AP1AR: variants seen among roughly 807,000 people sequenced by gnomAD.
AP1AR encodes AP-1 complex-associated regulatory protein.
AP1AR carries 29 observed loss-of-function variants against 46.3 expected under a neutral mutation model. That is an observed-to-expected ratio of 0.63 (90% CI 0.47 to 0.85). The LOEUF (loss-of-function observed/expected upper bound fraction) is 0.85, where lower values mean the gene tolerates loss of function less well. Ranked by LOEUF, AP1AR falls within the 40% of genes least tolerant of loss-of-function variation. The pLI is 0.00. For synonymous variants in AP1AR, 122 were observed against 122.9 expected, an observed-to-expected ratio of 0.99 and a Z score of 0.05; for missense variants, 357 against 356.3, an observed-to-expected ratio of 1.00 and a Z score of -0.02.
chr4:112,253,365 A>G, intron 2 of AP1AR, 109 bp downstream of exon 2: 2 of 749,642 alleles, frequency 2.7e-6, no homozygotes, highest in Admixed American at 2.7e-5. Context: ...TGGACTGTTT[A>G]TATTTCAATA....
chr4:112,269,081 A>G lies in AP1AR; in HGVS notation c.*672A>G, dbSNP rs1257053958. 1 of 128,008 alleles carries G rather than the reference A, an allele frequency of 7.8e-6. No individual in the cohort carries two copies. Among genetic ancestry groups the G allele is most frequent in the Non-Finnish European group, 1.6e-5 (1 of 62,016 alleles). 7.9% of individuals were successfully genotyped at this position (128,008 alleles called of 1,614,324 possible). The stretch of plus-strand genomic sequence containing the variant: ...TTTCAAGTTGGTAATAATAAAAAAT[A>G]ATATTTAAGAAGATATATATATATA... On this transcript the variant is annotated 3_prime_UTR_variant, in exon 10 of 10. Coordinates refer to ENST00000274000, the MANE Select transcript of AP1AR (RefSeq NM_018569.6).
At chr4:112,251,905 C>G (rs1316596876) in intron 1 of AP1AR, among the ~76,000 whole-genome samples, 1 of 152,280 alleles carries the variant, frequency 6.6e-6, no homozygotes, top group Middle Eastern at 3.4e-3. Flanking sequence ...AAATAGTTCC[C>G]ATAATTTCAT....
At position 112,265,589 on chromosome 4, in the gene AP1AR, A is replaced by G; in HGVS notation, c.441-145A>G. On this transcript the variant is annotated intron_variant, in intron 7 of 9. Transcript: ENST00000274000. Reference sequence around the variant, plus strand: ...TTTAGTATTAAGAAAATTAAGAACTATTTTCATTAGGTTATTCTAATTGTA... The same window carrying G: ...TTTAGTATTAAGAAAATTAAGAACTGTTTTCATTAGGTTATTCTAATTGTA... The G allele has an allele frequency of 5.3e-6, 3 of 567,364 alleles. No homozygotes were observed. The Admixed American group carries it at 1.1e-4, about 21-fold the overall frequency. The allele number at this position is 567,364 out of a possible 1,614,324, so 35.1% of individuals were successfully genotyped here.
chr4:112,239,317 G>T (rs984114188), intron 1 of AP1AR, among the ~76,000 whole-genome samples: 2 of 152,010 alleles, frequency 1.3e-5, no homozygotes, highest in Non-Finnish European at 2.9e-5. Context: ...GAATTGTCTC[G>T]TCTTGCCTAG....
intron 4 of AP1AR, among the ~76,000 whole-genome samples, chr4:112,258,678 A>G (rs1215477182): frequency 6.6e-6 from 1 of 152,186 alleles, no homozygotes; most frequent in African/African-American, 2.4e-5. Context: ...GAGAGAATTG[A>G]TTGTAAAGGG....
rs187852351 is a variant in AP1AR, at chr4:112,272,773, C to T, written c.*4364C>T. Reference sequence around the variant, plus strand: ...AAGACAAAGATCAAGGACTATGGAGCGTGCCCATACTCACCACTGGTAACA... The same window carrying T: ...AAGACAAAGATCAAGGACTATGGAGTGTGCCCATACTCACCACTGGTAACA... On this transcript the variant is annotated 3_prime_UTR_variant, in exon 10 of 10. Coordinates refer to ENST00000274000, the MANE Select transcript of AP1AR (RefSeq NM_018569.6). Among the ~76,000 whole-genome samples, 42 of 152,188 alleles carry T rather than the reference C, an allele frequency of 2.8e-4. No individual in the cohort carries two copies. Among genetic ancestry groups the T allele is most frequent in the Admixed American group, 1.1e-3 (17 of 15,278 alleles).
chr4:112,240,585 A>G (rs1297850348), intron 1 of AP1AR, among the ~76,000 whole-genome samples: 2 of 152,216 alleles, frequency 1.3e-5, no homozygotes, highest in African/African-American at 2.4e-5. Context: ...GAATTAATGA[A>G]TACAGTATCT....
At chr4:112,258,626 C>G (rs1332785420) in intron 4 of AP1AR, among the ~76,000 whole-genome samples, 4 of 152,124 alleles carry the variant, frequency 2.6e-5, no homozygotes, top group Non-Finnish European at 5.9e-5. Context: ...TGCTAACTAT[C>G]CAGGCAGAGC....
rs1264127065 is a variant in AP1AR, at chr4:112,245,784, GGGTTTTGTAGCA to G, written c.84-7423_84-7412del. ...TTATATTAATAGCTTGTTATGTTTT[GGGTTTTGTAGCA>G]TATGTAGTTGGAAACTTCAAGTCAA... On this transcript the variant is annotated intron_variant, in intron 1 of 9. Transcript: ENST00000274000. 1.8e-4 allele frequency among the ~76,000 whole-genome samples: 27 copies of G among 152,144 alleles called. 5 individuals carry two copies. The highest frequency in any genetic ancestry group is 6.5e-4 in the African/African-American group (27 of 41,494).
rs61734509 is a variant in AP1AR, at chr4:112,265,755, C to T, written c.462C>T (p.Phe154=). The change falls in exon 8 of 10, where the codon TTC becomes TTT. Residue 154 remains phenylalanine, a synonymous_variant. Transcript: ENST00000274000. ...EYQSSGPEDD[F]ESCLRNMKSQ... ...ACAGTTCAGGACCAGAAGATGACTT[C>T]GAATCTTGTTTGAGAAATATGAAGT... The T allele has an allele frequency of 1.8e-3, 2,852 of 1,609,292 alleles. 38 individuals are homozygous for T. The African/African-American group carries it at 0.032, about 18-fold the overall frequency.
intron 1 of AP1AR, among the ~76,000 whole-genome samples, chr4:112,245,557 C>T (rs1394211517): frequency 1.3e-5 from 2 of 152,226 alleles, no homozygotes; most frequent in African/African-American, 4.8e-5. Flanking sequence ...AAAATTCAGA[C>T]TAGCCACATT....
intron 4 of AP1AR, among the ~76,000 whole-genome samples, chr4:112,259,292 G>T (rs560094603): frequency 6.6e-6 from 1 of 152,324 alleles, no homozygotes; most frequent in South Asian, 2.1e-4. Context: ...GTAAGGACAT[G>T]AAGGCAAGAG....
chr4:112,262,748 G>C (rs1186229634), intron 5 of AP1AR, among the ~76,000 whole-genome samples: 2 of 152,336 alleles, frequency 1.3e-5, no homozygotes, highest in South Asian at 2.1e-4. Context: ...ATACAGAATA[G>C]ATGCTACTGC....
chr4:112,253,639 T>C (rs1726057991), intron 2 of AP1AR, among the ~76,000 whole-genome samples: 1 of 152,212 alleles, frequency 6.6e-6, no homozygotes, highest in African/African-American at 2.4e-5. Context: ...CGAGTCACTT[T>C]TTCTTTGAAT....
At chr4:112,232,447 C>T (rs1005755264) in intron 1 of AP1AR, among the ~76,000 whole-genome samples, 19 of 152,220 alleles carry the variant, frequency 1.2e-4, no homozygotes, top group African/African-American at 4.6e-4. Context: ...GAGACATCAT[C>T]TCCAGGAAAC....
chr4:112,264,231 ATAG>A (rs1726577555), intron 6 of AP1AR, among the ~76,000 whole-genome samples: 1 of 152,156 alleles, frequency 6.6e-6, no homozygotes, highest in African/African-American at 2.4e-5. Flanking sequence ...TTTTACTGTA[ATAG>A]ATTATCTACT....
chr4:112,244,551 A>T (rs1167822099), intron 1 of AP1AR, among the ~76,000 whole-genome samples: 1 of 152,178 alleles, frequency 6.6e-6, no homozygotes, highest in Non-Finnish European at 1.5e-5. Flanking sequence ...AGTTGTCAAG[A>T]CTAAATACCT....
chr4:112,246,957 A>C (rs1001311723), intron 1 of AP1AR, among the ~76,000 whole-genome samples: 9 of 152,176 alleles, frequency 5.9e-5, no homozygotes, highest in African/African-American at 9.7e-5. Context: ...TCTTTCTTTT[A>C]AATCTTACAG....
At chr4:112,266,807 T>C in intron 9 of AP1AR, 91 bp downstream of exon 9, 1 of 1,242,694 alleles carries the variant, frequency 8.0e-7, no homozygotes, top group Non-Finnish European at 1.1e-6. Context: ...TAAATGGAAA[T>C]AAATTCAAGG....
Sources: gnomAD v4.1 joint callset for allele counts (sites outside exome capture counted in the v4.1 genomes callset) on GRCh38, gnomAD v4.1.1 for gene constraint, MANE v1.5 for transcripts, NCBI Gene and HGNC (gene_info 2026-07-23, HGNC 2026-07-21) for gene names.